The following ZNF799 variants were observed in gnomAD, a reference collection of about 807,000 sequenced individuals.
ZNF799 encodes the protein zinc finger protein 799.
A neutral mutation model predicts 41.0 loss-of-function variants in ZNF799; 28 were observed. That is an observed-to-expected ratio of 0.68 (90% CI 0.51 to 0.94). The LOEUF is 0.94. Ranked by LOEUF, ZNF799 falls within the 40% of genes least tolerant of loss-of-function variation. The pLI, the probability that ZNF799 is intolerant of heterozygous loss-of-function variation, is 0.00. For missense variants in ZNF799, 716 were observed against 764.3 expected, an observed-to-expected ratio of 0.94 and a Z score of 0.74; for synonymous variants, 213 against 252.9, an observed-to-expected ratio of 0.84 and a Z score of 1.50.
the ZNF799 span, among the ~76,000 whole-genome samples, chr19:12,408,741 A>G: frequency 5.0e-3 from 754 of 152,312 alleles, 5 homozygotes; most frequent in Non-Finnish European, 8.5e-3. Flanking sequence ...GAGCATCAAA[A>G]TGCATAAGGT....
chr19:12,406,064 T>G (rs1970027123), upstream of ZNF799, among the ~76,000 whole-genome samples: 1 of 147,376 alleles, frequency 6.8e-6, no homozygotes. Flanking sequence ...ACCCAGCTAC[T>G]CGGGAGGCTG....
upstream of ZNF799, among the ~76,000 whole-genome samples, chr19:12,405,458 A>C (rs753325294): frequency 2.6e-5 from 4 of 152,230 alleles, no homozygotes; most frequent in Non-Finnish European, 5.9e-5. Flanking sequence ...CCTAGGTTTA[A>C]TTAAACAGAA....
In ZNF799 at chr19:12,390,941, C is replaced by G. The variant is rs1321025182; in HGVS notation, c.1457G>C (p.Ser486Thr). 2 of 1,613,106 alleles carry G rather than the reference C, an allele frequency of 1.2e-6. No individual in the cohort carries two copies. Among genetic ancestry groups the G allele is most frequent in the Non-Finnish European group, 1.7e-6 (2 of 1,179,724 alleles). ...ATGTTGAGAAAGGTATTGGAAACAA[C>G]TGAATGCTTTCCCACATTCCTTACA... is the stretch of plus-strand genomic sequence containing the variant. ...YECKECGKAF[S>T]CFQYLSQHRR... Residue 486 changes from serine (S) to threonine (T), a missense_variant, in exon 4 of 4, where the codon AGT (serine) becomes ACT (threonine). Physicochemically the swap from Ser to Thr is moderately conservative, Grantham distance 58. This residue lies in a region of ZNF799 where 698 missense variants were observed against 713.6 expected (regional missense o/e 0.98). Coordinates refer to ENST00000430385, the MANE Select transcript of ZNF799 (RefSeq NM_001080821.3).
intron 1 of ZNF799, 26 bp downstream of exon 1, chr19:12,401,042 T>G (rs1201250742): frequency 1.2e-6 from 2 of 1,613,872 alleles, no homozygotes; most frequent in African/African-American, 2.7e-5. Context: ...CTCCCCCGCC[T>G]CGGGACGCCG....
At chr19:12,410,728 A>T in the ZNF799 span, among the ~76,000 whole-genome samples, 1 of 152,006 alleles carries the variant, frequency 6.6e-6, no homozygotes, top group Non-Finnish European at 1.5e-5. Flanking sequence ...CCAACTCAGA[A>T]AAAAAAAGGG....
At chr19:12,396,920 T>A (rs1262199282) in intron 1 of ZNF799, among the ~76,000 whole-genome samples, 1 of 151,326 alleles carries the variant, frequency 6.6e-6, no homozygotes, top group African/African-American at 2.4e-5. Flanking sequence ...GAAACTCAGA[T>A]CATACACACA....
Position 12,391,890 on chromosome 19 carries a change from T to A in ZNF799, c.508A>T (p.Asn170Tyr). The change falls in exon 4 of 4, where the codon AAT (asparagine) becomes TAT (tyrosine). Residue 170 changes from asparagine to tyrosine, a missense_variant. Asn to Tyr is a moderately radical substitution (Grantham distance 143). Transcript: ENST00000430385. ...ERLHTGKKPY[N>Y]CKECGKSFSS... Reference sequence around the variant, plus strand: ...AAGGACTTCCCACATTCTTTACAATTATATGGTTTCTTTCCAGTGTGAAGC... The same window carrying A: ...AAGGACTTCCCACATTCTTTACAATAATATGGTTTCTTTCCAGTGTGAAGC... 1 of 1,613,888 alleles carries A rather than the reference T, an allele frequency of 6.2e-7. No homozygotes were observed. Among genetic ancestry groups the A allele is most frequent in the Non-Finnish European group, 8.5e-7 (1 of 1,179,948 alleles).
In ZNF799 at chr19:12,392,123, A is replaced by T; in HGVS notation, c.275T>A (p.Val92Glu). 6.2e-7 allele frequency: 1 copy of T among 1,614,086 alleles called. No homozygotes were observed. Among genetic ancestry groups the T allele is most frequent in the Non-Finnish European group, 8.5e-7 (1 of 1,179,942 alleles). Reference sequence around the variant, plus strand: ...TACTCCAGGAAGAGTGTTCTTGGTCACAATACTATCTTGAATCTGGCTAGA... The same window carrying T: ...TACTCCAGGAAGAGTGTTCTTGGTCTCAATACTATCTTGAATCTGGCTAGA... ...ETSSQIQDSI[V>E]TKNTLPGVGP... The change falls in exon 4 of 4, where the codon GTG (valine) becomes GAG (glutamate). Residue 92 changes from valine to glutamate, a missense_variant. This residue lies in a region of ZNF799 where 698 missense variants were observed against 713.6 expected (regional missense o/e 0.98). Transcript: ENST00000430385.
chr19:12,407,863 T>G, the ZNF799 span, among the ~76,000 whole-genome samples: 2 of 152,108 alleles, frequency 1.3e-5, no homozygotes, highest in Non-Finnish European at 2.9e-5. Flanking sequence ...CTGGTAAAAT[T>G]TAAGAAACAA....
At chr19:12,394,926 T>C in intron 1 of ZNF799, 2 of 959,342 alleles carry the variant, frequency 2.1e-6, no homozygotes, top group Non-Finnish European at 2.5e-6. Flanking sequence ...TAAAGAAAAA[T>C]GAAAACTGGT....
intron 1 of ZNF799, among the ~76,000 whole-genome samples, chr19:12,397,252 T>A (rs1969909060): frequency 6.6e-6 from 1 of 151,966 alleles, no homozygotes; most frequent in African/African-American, 2.4e-5. Context: ...GGGAAATCAA[T>A]AATAAAATGT....
chr19:12,409,344 AC>A, the ZNF799 span, among the ~76,000 whole-genome samples: 4 of 152,110 alleles, frequency 2.6e-5, no homozygotes, highest in Non-Finnish European at 5.9e-5. Flanking sequence ...CCGGTTCCTA[AC>A]CAGCTACAGA....
At position 12,390,796 on chromosome 19, in the gene ZNF799, A is replaced by C; in HGVS notation, c.1602T>G (p.Cys534Trp). The change falls in exon 4 of 4, where the codon TGT (cysteine) becomes TGG (tryptophan). Residue 534 changes from cysteine (C) to tryptophan (W), a missense_variant. Physicochemically the swap from Cys to Trp is radical, Grantham distance 215. Coordinates refer to ENST00000430385, the MANE Select transcript of ZNF799 (RefSeq NM_001080821.3). ...RIHSGEKPYE[C>W]KECGKAFSWL... The stretch of plus-strand genomic sequence containing the variant: ...AAGAGAATGCTTTCCCACATTCCTT[A>C]CATTCATACGGCTTCTCTCCAGAGT... The C allele has an allele frequency of 6.2e-7, 1 of 1,614,174 alleles. No individual in the cohort carries two copies. Among genetic ancestry groups the C allele is most frequent in the Non-Finnish European group, 8.5e-7 (1 of 1,180,002 alleles).
rs1969787455 is a variant in ZNF799, at chr19:12,390,298, C to T, written c.*168G>A. The T allele has an allele frequency of 7.8e-7, 1 of 1,277,342 alleles. No individual in the cohort carries two copies. The highest frequency in any genetic ancestry group is 1.5e-5 in the South Asian group (1 of 65,926). The allele number at this position is 1,277,342 out of a possible 1,614,324, so 79.1% of individuals were successfully genotyped here. On this transcript the variant is annotated 3_prime_UTR_variant, in exon 4 of 4. Transcript: ENST00000430385. ...GGCTCACGGAGTGCTGGAACCAATACCCAGCAGGTATCAAGGGATGACTGT... is the reference window on the plus strand; with the variant it reads ...GGCTCACGGAGTGCTGGAACCAATATCCAGCAGGTATCAAGGGATGACTGT...
chr19:12,391,370 C>T lies in ZNF799; in HGVS notation c.1028G>A (p.Gly343Glu), dbSNP rs140682710. Reference protein sequence around the residue: ...RDGPHKCKICGKGFDCPSSLK... With the variant: ...RDGPHKCKICEKGFDCPSSLK... ...TGAACTAGGACAATCAAAGCCTTTT[C>T]CACATATCTTACACTTATGAGGTCC... The change falls in exon 4 of 4, where the codon GGA becomes GAA. Residue 343 changes from glycine to glutamate, a missense_variant. By Grantham distance (98) the Gly-to-Glu change is moderately conservative. Coordinates refer to ENST00000430385, the MANE Select transcript of ZNF799 (RefSeq NM_001080821.3). 5.9e-4 allele frequency: 960 copies of T among 1,614,096 alleles called. 1 individual carries two copies. Among genetic ancestry groups the T allele is most frequent in the Admixed American group, 1.3e-3 (81 of 60,010 alleles).
the ZNF799 span, among the ~76,000 whole-genome samples, chr19:12,413,047 CA>C: frequency 1.3e-3 from 82 of 62,898 alleles, no homozygotes; most frequent in East Asian, 3.8e-3. Flanking sequence ...ACTCCGTCTC[CA>C]AAAAAAAAAA....
upstream of ZNF799, among the ~76,000 whole-genome samples, chr19:12,404,874 G>A (rs1970018807): frequency 6.6e-6 from 1 of 152,144 alleles, no homozygotes; most frequent in Non-Finnish European, 1.5e-5. Context: ...TGATTGGATT[G>A]AAGGATACAA....
upstream of ZNF799, among the ~76,000 whole-genome samples, chr19:12,403,341 G>A (rs1970010911): frequency 6.6e-6 from 1 of 151,368 alleles, no homozygotes; most frequent in Non-Finnish European, 1.5e-5. Context: ...TCTACCTCAA[G>A]GTTTGTCAGT....
chr19:12,390,160 T>A lies in ZNF799; in HGVS notation c.*306A>T, dbSNP rs180986673. ...CAATACAATAGAACAACTATTTGCA[T>A]AGCTTTTACAATGCATGAGGTATTT... On this transcript the variant is annotated 3_prime_UTR_variant, in exon 4 of 4. Coordinates refer to ENST00000430385, the MANE Select transcript of ZNF799 (RefSeq NM_001080821.3). The A allele has an allele frequency of 1.1e-4, 57 of 504,704 alleles. No individual in the cohort carries two copies. The East Asian group carries it at 1.7e-3, about 15-fold the overall frequency. The allele number at this position is 504,704 out of a possible 1,614,324, so 31.3% of individuals were successfully genotyped here. A position where few individuals can be genotyped will look rare whatever the true frequency, so the allele number is the denominator to read the frequency against.
Sources: allele counts gnomAD v4.1 joint callset (sites outside exome capture counted in the v4.1 genomes callset), GRCh38; gene constraint gnomAD v4.1.1; regional missense constraint gnomAD v4.1.1; transcripts MANE v1.5; gene names NCBI Gene and HGNC (gene_info 2026-07-23, HGNC 2026-07-21).